The following COL19A1 variants were observed in gnomAD, a reference collection of about 807,000 sequenced individuals.
The protein encoded by COL19A1 is collagen alpha-1(XIX) chain.
COL19A1 carries 159 observed loss-of-function variants against 190.2 expected under a neutral mutation model. The observed-to-expected ratio is 0.84, with a 90% confidence interval of 0.73 to 0.95. The LOEUF (loss-of-function observed/expected upper bound fraction) is 0.95, where lower values mean the gene tolerates loss of function less well. Among genes scored for constraint, COL19A1 ranks in the 40% least tolerant of loss-of-function variants. The probability of loss-of-function intolerance (pLI) is 0.00; values close to 1 mark genes in which losing one functional copy is unlikely to be tolerated. For synonymous variants in COL19A1, 509 were observed against 458.9 expected, an observed-to-expected ratio of 1.11 and a Z score of -1.39; for missense variants, 1,418 against 1,431.9, an observed-to-expected ratio of 0.99 and a Z score of 0.16.
chr6:70,129,583 G>A (rs1474268023), intron 17 of COL19A1, among the ~76,000 whole-genome samples: 3 of 152,312 alleles, frequency 2.0e-5, no homozygotes, highest in African/African-American at 4.8e-5. Context: ...TGGCGCAGTC[G>A]CTCATGCCTG....
intron 11 of COL19A1, 41 bp from the exon 12 acceptor site, chr6:70,023,586 C>G (rs765704278): frequency 6.5e-7 from 1 of 1,533,434 alleles, no homozygotes; most frequent in Non-Finnish European, 8.9e-7. Flanking sequence ...CAAAGGTTTT[C>G]AGATATAAGA....
chr6:69,955,518 G>A (rs1233139383), intron 9 of COL19A1, among the ~76,000 whole-genome samples: 2 of 143,482 alleles, frequency 1.4e-5, no homozygotes, highest in Non-Finnish European at 3.0e-5. Context: ...AGTAGCCACA[G>A]CAAAGTGTGT....
intron 15 of COL19A1, among the ~76,000 whole-genome samples, chr6:70,079,732 T>C (rs73486387): frequency 0.054 from 8,226 of 152,200 alleles, 730 homozygotes; most frequent in African/African-American, 0.19. Flanking sequence ...TGCACGGATC[T>C]CAAGAGTGTA....
chr6:70,175,094 A>G (rs985864644), intron 41 of COL19A1, among the ~76,000 whole-genome samples: 1 of 152,220 alleles, frequency 6.6e-6, no homozygotes, highest in Non-Finnish European at 1.5e-5. Flanking sequence ...TTTGTAATTC[A>G]AAAGGAACAG....
Position 70,131,632 on chromosome 6 carries a change from A to G in COL19A1, c.1383+1409A>G, listed in dbSNP as rs564803787. 2.9e-3 allele frequency among the ~76,000 whole-genome samples: 443 copies of G among 152,260 alleles called. 4 individuals are homozygous for G. The highest frequency in any genetic ancestry group is 6.0e-3 in the South Asian group (29 of 4,826). On this transcript the variant is annotated intron_variant, in intron 18 of 50. Transcript: ENST00000620364. ...TACGCCACCATAACCAACGCATTAC[A>G]TTTTAAGCAATGACTTCTGGACATA... is the stretch of plus-strand genomic sequence containing the variant.
At chr6:70,053,612 A>G (rs1780333683) in intron 14 of COL19A1, among the ~76,000 whole-genome samples, 1 of 152,210 alleles carries the variant, frequency 6.6e-6, no homozygotes, top group Non-Finnish European at 1.5e-5. Context: ...CTAAAAGGTT[A>G]TGTTTAAAGA....
chr6:69,951,506 G>T (rs1314114903), intron 9 of COL19A1, among the ~76,000 whole-genome samples: 1 of 151,738 alleles, frequency 6.6e-6, no homozygotes, highest in East Asian at 1.9e-4. Flanking sequence ...ACACTTGGGG[G>T]AATTTATATT....
chr6:69,955,154 A>C (rs1020457195), intron 9 of COL19A1, among the ~76,000 whole-genome samples: 3 of 152,136 alleles, frequency 2.0e-5, no homozygotes, highest in African/African-American at 4.8e-5. Flanking sequence ...ATAAAGTGAA[A>C]AGCCCAAACA....
In COL19A1 at chr6:70,184,909, A is replaced by G; in HGVS notation, c.2850A>G (p.Gly950=). Residue 950 remains glycine (G), a synonymous_variant, in exon 46 of 51, where the codon GGA becomes GGG. Coordinates refer to ENST00000620364, the MANE Select transcript of COL19A1 (RefSeq NM_001858.6). ...AGCCTGGAGACAGAGGCCCCAAAGG[A>G]GAACGTGTATGTATATTACTATTGT... ...MGKPGDRGPK[G]ERGDQGIPGD... 1 of 1,612,722 alleles carries G rather than the reference A, an allele frequency of 6.2e-7. No individual in the cohort carries two copies. The highest frequency in any genetic ancestry group is 1.1e-5 in the South Asian group (1 of 90,914).
At chr6:70,193,699 C>T (rs2150300695) in intron 48 of COL19A1, among the ~76,000 whole-genome samples, 1 of 152,326 alleles carries the variant, frequency 6.6e-6, no homozygotes, top group East Asian at 1.9e-4. Flanking sequence ...TTCCTTTTGT[C>T]TCTCTTGACA....
chr6:70,070,757 G>T (rs1176608575), intron 15 of COL19A1, among the ~76,000 whole-genome samples: 2 of 152,038 alleles, frequency 1.3e-5, no homozygotes, highest in East Asian at 3.9e-4. Flanking sequence ...AAATGTATTT[G>T]TACATGTATG....
In COL19A1 at chr6:69,929,532, G is replaced by A. The variant is rs1180581093; in HGVS notation, c.498G>A (p.Leu166=). The A allele has an allele frequency of 6.2e-7, 1 of 1,614,030 alleles. No homozygotes were observed. Among genetic ancestry groups the A allele is most frequent in the Non-Finnish European group, 8.5e-7 (1 of 1,179,978 alleles). The part of the protein sequence containing the change: ...YIFRNRELRP[L]FDRQWHKLGI... Reference sequence around the variant, plus strand: ...TTAGAAATCGAGAACTCCGTCCTTTGTTTGATCGTCAGTGGCACAAACTTG... The same window carrying A: ...TTAGAAATCGAGAACTCCGTCCTTTATTTGATCGTCAGTGGCACAAACTTG... Residue 166 remains leucine, a synonymous_variant, in exon 6 of 51, where the codon TTG becomes TTA. Coordinates refer to ENST00000620364, the MANE Select transcript of COL19A1 (RefSeq NM_001858.6).
intron 37 of COL19A1, among the ~76,000 whole-genome samples, chr6:70,166,608 A>T (rs1005494570): frequency 6.6e-6 from 1 of 152,164 alleles, no homozygotes; most frequent in Non-Finnish European, 1.5e-5. Flanking sequence ...ATCACGCAAA[A>T]CACCCTTTTC....
chr6:70,075,634 G>C (rs1408034814), intron 15 of COL19A1, among the ~76,000 whole-genome samples: 3 of 152,152 alleles, frequency 2.0e-5, no homozygotes, highest in Non-Finnish European at 2.9e-5. Context: ...GTGATCACAG[G>C]CCATCCCTTA....
intron 6 of COL19A1, 152 bp downstream of exon 6, chr6:69,929,852 C>T (rs1030248421): frequency 1.5e-6 from 1 of 679,390 alleles, no homozygotes; most frequent in Non-Finnish European, 2.3e-6. Flanking sequence ...GTGTGAAGAA[C>T]AGCTATGTTA....
chr6:69,945,467 C>A (rs1773735381), intron 9 of COL19A1, among the ~76,000 whole-genome samples: 1 of 152,024 alleles, frequency 6.6e-6, no homozygotes, highest in Non-Finnish European at 1.5e-5. Context: ...ATTCTGTAAC[C>A]ATACCACAAC....
Position 70,137,716 on chromosome 6 carries a change from C to A in COL19A1, c.1415C>A (p.Ser472Tyr). 7 of 1,613,336 alleles carry A rather than the reference C, an allele frequency of 4.3e-6. No homozygotes were observed. The highest frequency in any genetic ancestry group is 5.1e-6 in the Non-Finnish European group (6 of 1,179,452). Reference protein sequence around the residue: ...GETGLPGFPGSVGPKGQKGEP... With the variant: ...GETGLPGFPGYVGPKGQKGEP... The stretch of plus-strand genomic sequence containing the variant: ...ACTGGACTACCAGGATTTCCAGGGT[C>A]TGTTGGCCCTAAAGGACAAAAAGGA... Residue 472 changes from serine to tyrosine, a missense_variant, in exon 19 of 51, where the codon TCT becomes TAT. Ser to Tyr is a moderately radical substitution (Grantham distance 144, BLOSUM62 -2). Transcript: ENST00000620364.
At chr6:70,086,807 C>G (rs1206627399) in intron 15 of COL19A1, among the ~76,000 whole-genome samples, 1 of 152,188 alleles carries the variant, frequency 6.6e-6, no homozygotes, top group East Asian at 1.9e-4. Flanking sequence ...CCTCATTTGT[C>G]TAGTACCTTT....
chr6:70,098,567 T>C (rs2150183732), intron 15 of COL19A1: 1 of 427,846 alleles, frequency 2.3e-6, no homozygotes, highest in Non-Finnish European at 4.5e-6. Flanking sequence ...CTTAGCAGGG[T>C]AGCCACATTT....
Sources: allele counts gnomAD v4.1 joint callset (sites outside exome capture counted in the v4.1 genomes callset), GRCh38; gene constraint gnomAD v4.1.1; transcripts MANE v1.5; gene names NCBI Gene and HGNC (gene_info 2026-07-23, HGNC 2026-07-21).